The following GUCY1A2 variants were observed in gnomAD, a reference collection of about 807,000 sequenced individuals.
The protein encoded by GUCY1A2 is guanylate cyclase soluble subunit alpha-2.
Under a neutral mutation model 63.5 loss-of-function variants are expected in GUCY1A2, and 27 were observed. The ratio of observed to expected loss-of-function variants is 0.43; its 90% confidence interval spans 0.31 to 0.59. The LOEUF is 0.59. GUCY1A2 is among the 20% of genes least tolerant of loss of function. The pLI, the probability that GUCY1A2 is intolerant of heterozygous loss-of-function variation, is 0.11. For synonymous variants in GUCY1A2, 364 were observed against 343.5 expected (o/e 1.06, Z -0.66); for missense variants, 768 against 913.3 (o/e 0.84, Z 2.05).
intron 4 of GUCY1A2, among the ~76,000 whole-genome samples, chr11:106,839,727 G>T (rs2135442569): frequency 6.6e-6 from 1 of 151,942 alleles, no homozygotes; most frequent in African/African-American, 2.4e-5. Flanking sequence ...GATAAAGCTA[G>T]AAACCATCAT....
At chr11:106,798,500 A>G (rs1220015907) in intron 5 of GUCY1A2, among the ~76,000 whole-genome samples, 2 of 152,212 alleles carry the variant, frequency 1.3e-5, no homozygotes, top group Non-Finnish European at 2.9e-5. Flanking sequence ...ATGAACATCA[A>G]TGCAAAAATC....
chr11:106,969,575 A>C (rs1230612540), intron 3 of GUCY1A2, among the ~76,000 whole-genome samples: 1 of 152,106 alleles, frequency 6.6e-6, no homozygotes, highest in Non-Finnish European at 1.5e-5. Flanking sequence ...AAAGACAAAA[A>C]AAAACAGTAT....
intron 4 of GUCY1A2, among the ~76,000 whole-genome samples, chr11:106,868,792 T>A (rs1464258577): frequency 6.6e-6 from 1 of 152,186 alleles, no homozygotes; most frequent in Non-Finnish European, 1.5e-5. Flanking sequence ...AGAGCCCACA[T>A]TGCCAAGTCA....
intron 3 of GUCY1A2, among the ~76,000 whole-genome samples, chr11:106,976,656 C>T (rs1861266411): frequency 6.6e-6 from 1 of 152,124 alleles, no homozygotes; most frequent in Non-Finnish European, 1.5e-5. Flanking sequence ...GAAATTTAAA[C>T]TTTACAAGAT....
intron 4 of GUCY1A2, among the ~76,000 whole-genome samples, chr11:106,905,974 T>C (rs56063613): frequency 0.031 from 4,705 of 152,186 alleles, 83 homozygotes; most frequent in Middle Eastern, 0.092. Flanking sequence ...ACGTAAGACC[T>C]AAAACTACAA....
intron 7 of GUCY1A2, among the ~76,000 whole-genome samples, chr11:106,697,503 A>G (rs953760816): frequency 6.6e-6 from 1 of 152,320 alleles, no homozygotes; most frequent in South Asian, 2.1e-4. Flanking sequence ...TTAGACTTCC[A>G]AAAGTCTACC....
At chr11:106,710,623 T>C (rs747678239) in intron 6 of GUCY1A2, among the ~76,000 whole-genome samples, 1 of 151,620 alleles carries the variant, frequency 6.6e-6, no homozygotes, top group African/African-American at 2.4e-5. Context: ...AATTAAGTGC[T>C]GTGTATTTAC....
chr11:106,863,833 T>C (rs1859549037), intron 4 of GUCY1A2, among the ~76,000 whole-genome samples: 1 of 152,196 alleles, frequency 6.6e-6, no homozygotes, highest in Admixed American at 6.5e-5. Context: ...GTAGTTCTCC[T>C]TGAAATGGTC....
intron 6 of GUCY1A2, among the ~76,000 whole-genome samples, chr11:106,736,671 T>A (rs1394497117): frequency 6.6e-6 from 1 of 152,208 alleles, no homozygotes; most frequent in Non-Finnish European, 1.5e-5. Flanking sequence ...GTGAAGAATG[T>A]CATTAGTATT....
chr11:106,882,835 A>G (rs988025506), intron 4 of GUCY1A2, among the ~76,000 whole-genome samples: 6 of 152,070 alleles, frequency 3.9e-5, no homozygotes, highest in Non-Finnish European at 8.8e-5. Flanking sequence ...GTCAACTTAC[A>G]TAATAATTAG....
At chr11:107,009,957 C>CAGAT (rs1172305074) in intron 1 of GUCY1A2, among the ~76,000 whole-genome samples, 1 of 152,152 alleles carries the variant, frequency 6.6e-6, no homozygotes, top group South Asian at 2.1e-4. Flanking sequence ...ACTATCCAAC[C>CAGAT]AGATCCTCTG....
intron 4 of GUCY1A2, among the ~76,000 whole-genome samples, chr11:106,937,213 A>G (rs1000604734): frequency 1.3e-5 from 2 of 152,162 alleles, no homozygotes; most frequent in African/African-American, 4.8e-5. Context: ...AATCCTGCCT[A>G]TTACTTTATT....
chr11:106,992,706 G>T (rs539884379), intron 1 of GUCY1A2, among the ~76,000 whole-genome samples: 1 of 152,042 alleles, frequency 6.6e-6, no homozygotes, highest in African/African-American at 2.4e-5. Flanking sequence ...ACAAAATCAC[G>T]TGTATTCAAA....
intron 4 of GUCY1A2, among the ~76,000 whole-genome samples, chr11:106,909,260 A>G (rs1207005921): frequency 1.3e-5 from 2 of 151,774 alleles, no homozygotes; most frequent in East Asian, 3.9e-4. Context: ...TCATTTCTCC[A>G]ATGGTTACAC....
At chr11:106,710,753 G>T (rs1863102756) in intron 6 of GUCY1A2, among the ~76,000 whole-genome samples, 1 of 152,002 alleles carries the variant, frequency 6.6e-6, no homozygotes, top group African/African-American at 2.4e-5. Flanking sequence ...AATAACTGAA[G>T]CGAATGGATA....
chr11:106,705,699 A>C (rs943623914), intron 7 of GUCY1A2, among the ~76,000 whole-genome samples: 5 of 152,068 alleles, frequency 3.3e-5, no homozygotes, highest in African/African-American at 7.2e-5. Context: ...TCTCTACTAA[A>C]AATACAAAAA....
chr11:106,956,483 G>A (rs1860985947), intron 3 of GUCY1A2, among the ~76,000 whole-genome samples: 1 of 152,026 alleles, frequency 6.6e-6, no homozygotes, highest in Non-Finnish European at 1.5e-5. Context: ...TGTTGTTGTT[G>A]TTGTTGATGC....
chr11:106,825,060 T>C (rs951979333), intron 4 of GUCY1A2: 17 of 831,930 alleles, frequency 2.0e-5, no homozygotes, highest in African/African-American at 1.9e-4. Flanking sequence ...ATAGATATTT[T>C]ATATGTATGG....
chr11:106,880,903 C>T (rs1176842829), intron 4 of GUCY1A2, among the ~76,000 whole-genome samples: 1 of 152,034 alleles, frequency 6.6e-6, no homozygotes, highest in Non-Finnish European at 1.5e-5. Context: ...TGGGAAATAC[C>T]AATACAGTAG....
Sources: gnomAD v4.1 joint callset for allele counts (sites outside exome capture counted in the v4.1 genomes callset) on GRCh38, gnomAD v4.1.1 for gene constraint, MANE v1.5 for transcripts, NCBI Gene and HGNC (gene_info 2026-07-23, HGNC 2026-07-21) for gene names.